Variants in GPATCH8 observed in about 807,000 individuals in gnomAD.
The protein encoded by GPATCH8 is G-patch domain containing 8, also known as G patch domain-containing protein 8.
Under a neutral mutation model 118.3 loss-of-function variants are expected in GPATCH8, and 18 were observed. The observed-to-expected ratio is 0.15, with a 90% CI of 0.11 to 0.23. GPATCH8 has a LOEUF of 0.23. GPATCH8 is among the 10% of genes least tolerant of loss of function. The pLI, the probability that GPATCH8 is intolerant of heterozygous loss-of-function variation, is 1.00. For synonymous variants in GPATCH8, 659 were observed against 684.7 expected (o/e 0.96, Z 0.59); for missense variants, 1,631 against 1,873.8 (o/e 0.87, Z 2.39).
chr17:44,495,113 T>A (rs911913312), intron 1 of GPATCH8, among the ~76,000 whole-genome samples: 1 of 152,108 alleles, frequency 6.6e-6, no homozygotes, highest in Non-Finnish European at 1.5e-5. Context: ...GGCGGGCAGA[T>A]CACTGGAGGT....
At chr17:44,423,035 G>A (rs62081221) in intron 6 of GPATCH8, among the ~76,000 whole-genome samples, 2 of 151,962 alleles carry the variant, frequency 1.3e-5, no homozygotes, top group South Asian at 2.1e-4. Context: ...TTGGGAGGCC[G>A]AGGTGGGCGG....
chr17:44,443,120 G>A (rs1456018318), intron 3 of GPATCH8, among the ~76,000 whole-genome samples: 1 of 151,980 alleles, frequency 6.6e-6, no homozygotes, highest in African/African-American at 2.4e-5. Context: ...ACTGATAAAG[G>A]CCAAGAACCT....
At chr17:44,498,972 A>G (rs1052901891) in intron 1 of GPATCH8, among the ~76,000 whole-genome samples, 2 of 152,236 alleles carry the variant, frequency 1.3e-5, no homozygotes, top group South Asian at 2.1e-4. Flanking sequence ...GGAAACACAA[A>G]GAGGATTCCT....
At chr17:44,411,403 T>G (rs2049426060) in intron 6 of GPATCH8, among the ~76,000 whole-genome samples, 1 of 152,246 alleles carries the variant, frequency 6.6e-6, no homozygotes, top group Non-Finnish European at 1.5e-5. Flanking sequence ...AGTGCTATGC[T>G]TCTCTCTACC....
At chr17:44,496,066 A>T (rs1969648727) in intron 1 of GPATCH8, among the ~76,000 whole-genome samples, 1 of 152,068 alleles carries the variant, frequency 6.6e-6, no homozygotes. Context: ...ATGGGTTTTC[A>T]CCATGTTGGC....
intron 3 of GPATCH8, among the ~76,000 whole-genome samples, chr17:44,439,243 G>A (rs917471612): frequency 2.0e-5 from 3 of 152,134 alleles, no homozygotes; most frequent in Non-Finnish European, 4.4e-5. Flanking sequence ...TTCAGTGCTT[G>A]GAGAACTTTG....
chr17:44,399,912 G>A lies in GPATCH8; in HGVS notation c.2165C>T (p.Ser722Leu). The A allele has an allele frequency of 6.2e-7, 1 of 1,614,036 alleles. No homozygotes were observed. The highest frequency in any genetic ancestry group is 8.5e-7 in the Non-Finnish European group (1 of 1,179,976). ...TCCTCGTTCAGAATCTGCTGGGGCT[G>A]ATGACTTATTCTTCTTTCGTTTTCG... The part of the protein sequence containing the change: ...KKRKRKKNKS[S>L]APADSERGPK... Residue 722 changes from serine to leucine, a missense_variant, in exon 8 of 8, where the codon TCA becomes TTA. Physicochemically the swap from Ser to Leu is moderately radical, Grantham distance 145 (BLOSUM62 -2). This residue lies in a region of GPATCH8 where 922 missense variants were observed against 879.7 expected (regional missense o/e 1.05). Transcript: ENST00000591680.
chr17:44,401,531 C>A, intron 7 of GPATCH8, 78 bp from the exon 8 acceptor site: 1 of 896,294 alleles, frequency 1.1e-6, no homozygotes, highest in Non-Finnish European at 1.9e-6. Flanking sequence ...AAATACTAAT[C>A]TCTTATATCC....
chr17:44,450,176 A>G (rs1029491205), intron 3 of GPATCH8, among the ~76,000 whole-genome samples: 4 of 152,198 alleles, frequency 2.6e-5, no homozygotes, highest in African/African-American at 7.2e-5. Flanking sequence ...CAAAGTAGTA[A>G]CTTGCGGTTC....
At chr17:44,489,020 T>C (rs899179872) in intron 1 of GPATCH8, among the ~76,000 whole-genome samples, 1 of 151,280 alleles carries the variant, frequency 6.6e-6, no homozygotes, top group Non-Finnish European at 1.5e-5. Context: ...GATTGCCCCA[T>C]TGCACTCCAG....
chr17:44,399,691 G>C lies in GPATCH8; in HGVS notation c.2386C>G (p.Gln796Glu). ...CTCCGTTTGGTGCCTGCTCTTCGCTGGCAGGATGAAGGTGGAAGTTCACCT... is the reference window on the plus strand; with the variant it reads ...CTCCGTTTGGTGCCTGCTCTTCGCTCGCAGGATGAAGGTGGAAGTTCACCT... Reference protein sequence around the residue: ...HKGELPPSSCQRRAGTKRSSR... With the variant: ...HKGELPPSSCERRAGTKRSSR... Residue 796 changes from glutamine to glutamate, a missense_variant, in exon 8 of 8, where the codon CAG becomes GAG. Gln to Glu is a conservative substitution (Grantham distance 29). Coordinates refer to ENST00000591680, the MANE Select transcript of GPATCH8 (RefSeq NM_001002909.4). 6.2e-7 allele frequency: 1 copy of C among 1,614,104 alleles called. No individual in the cohort carries two copies. The highest frequency in any genetic ancestry group is 2.2e-5 in the East Asian group (1 of 44,864).
At chr17:44,452,019 C>T (rs967968235) in intron 3 of GPATCH8, among the ~76,000 whole-genome samples, 3 of 151,842 alleles carry the variant, frequency 2.0e-5, no homozygotes, top group African/African-American at 7.3e-5. Context: ...GCCTGTAATC[C>T]CAGCACTTTG....
chr17:44,398,390 A>G lies in GPATCH8; in HGVS notation c.3687T>C (p.His1229=). Residue 1229 remains histidine, a synonymous_variant, in exon 8 of 8, where the codon CAT becomes CAC. Transcript: ENST00000591680. Reference sequence around the variant, plus strand: ...TTGGGTCCCCAGGGTAGCAGTCAGAATGTGCTGGGGTGCCTAGTGGAGCCA... The same window carrying G: ...TTGGGTCCCCAGGGTAGCAGTCAGAGTGTGCTGGGGTGCCTAGTGGAGCCA... ...HPVAPLGTPA[H]SDCYPGDPTI... is the part of the protein sequence containing the mutation. The G allele has an allele frequency of 1.9e-6, 3 of 1,614,010 alleles. No homozygotes were observed. The highest frequency in any genetic ancestry group is 2.5e-6 in the Non-Finnish European group (3 of 1,179,950).
Position 44,399,605 on chromosome 17 carries a change from G to A in GPATCH8, c.2472C>T (p.Ser824=). Residue 824 remains serine, a synonymous_variant, in exon 8 of 8, where the codon TCC becomes TCT. Coordinates refer to ENST00000591680, the MANE Select transcript of GPATCH8 (RefSeq NM_001002909.4). ...SSGDEDSDDA[S]SHRLHQKSPS... ...GAGACTTCTGGTGCAGCCGGTGTGA[G>A]GAAGCATCATCACTATCCTCATCTC... 1 of 1,614,184 alleles carries A rather than the reference G, an allele frequency of 6.2e-7. No individual in the cohort carries two copies. The highest frequency in any genetic ancestry group is 8.5e-7 in the Non-Finnish European group (1 of 1,180,014).
At chr17:44,447,636 T>A (rs1022841461) in intron 3 of GPATCH8, among the ~76,000 whole-genome samples, 8 of 150,804 alleles carry the variant, frequency 5.3e-5, no homozygotes, top group African/African-American at 1.2e-4. Flanking sequence ...TTTTTTTTTT[T>A]AAGACAGGTT....
intron 1 of GPATCH8, among the ~76,000 whole-genome samples, chr17:44,491,117 A>C (rs908889671): frequency 6.6e-6 from 1 of 152,238 alleles, no homozygotes; most frequent in African/African-American, 2.4e-5. Context: ...AAGAGCCTAT[A>C]ATCTCAAAAA....
At chr17:44,472,034 C>T (rs1031656062) in intron 2 of GPATCH8, among the ~76,000 whole-genome samples, 5 of 151,232 alleles carry the variant, frequency 3.3e-5, no homozygotes, top group Non-Finnish European at 7.4e-5. Flanking sequence ...AGATCCTGTG[C>T]CCTACTTCTA....
At chr17:44,435,719 T>C (rs1413444416) in intron 4 of GPATCH8, among the ~76,000 whole-genome samples, 1 of 138,856 alleles carries the variant, frequency 7.2e-6, no homozygotes, top group Non-Finnish European at 1.6e-5. Context: ...GCCCAGCGAC[T>C]CCTAATTCTT....
Position 44,400,561 on chromosome 17 carries a change from G to C in GPATCH8, c.1516C>G (p.Gln506Glu). 6.2e-7 allele frequency: 1 copy of C among 1,614,016 alleles called. No individual in the cohort carries two copies. Among genetic ancestry groups the C allele is most frequent in the African/African-American group, 1.3e-5 (1 of 75,028 alleles). Residue 506 changes from glutamine (Q) to glutamate (E), a missense_variant, in exon 8 of 8, where the codon CAA becomes GAA. By Grantham distance (29) the Gln-to-Glu change is conservative. Around this residue, in one of 8 missense-constraint regions of GPATCH8, gnomAD observed 405 missense variants for 462.7 expected, o/e 0.88. Coordinates refer to ENST00000591680, the MANE Select transcript of GPATCH8 (RefSeq NM_001002909.4). The stretch of plus-strand genomic sequence containing the variant: ...TTAGAAGAGTTGGACTCACACATTT[G>C]GGTCTCTGAAACCTTCTGACTATGA... ...ESHSQKVSET[Q>E]MCESNSSKET...
Sources: gnomAD v4.1 joint callset for allele counts (sites outside exome capture counted in the v4.1 genomes callset) on GRCh38, gnomAD v4.1.1 for gene constraint, gnomAD v4.1.1 regional missense constraint, MANE v1.5 for transcripts, NCBI Gene and HGNC (gene_info 2026-07-23, HGNC 2026-07-21) for gene names.